The following TNFAIP8 variants were observed in gnomAD, a reference collection of about 807,000 sequenced individuals.
TNFAIP8 encodes the protein TNF alpha induced protein 8.
Under a neutral mutation model 13.3 loss-of-function variants are expected in TNFAIP8, and 7 were observed. The ratio of observed to expected loss-of-function variants is 0.52; its 90% CI spans 0.30 to 0.99. TNFAIP8 has a LOEUF of 0.99. Ranked by LOEUF, TNFAIP8 falls within the 50% of genes least tolerant of loss-of-function variation. The pLI, the probability that TNFAIP8 is intolerant of heterozygous loss-of-function variation, is 0.07. For missense variants in TNFAIP8, 258 were observed against 236.9 expected (o/e 1.09, Z -0.58); for synonymous variants, 94 against 87.6 (o/e 1.07, Z -0.41).
chr5:119,298,811 T>C (rs1749266004), intron 1 of TNFAIP8, among the ~76,000 whole-genome samples: 1 of 152,138 alleles, frequency 6.6e-6, no homozygotes, highest in Admixed American at 6.5e-5. Flanking sequence ...CGTTTCTTTT[T>C]ATTCTTTTTT....
At chr5:119,295,290 T>C (rs1749140851) in intron 1 of TNFAIP8, among the ~76,000 whole-genome samples, 1 of 148,674 alleles carries the variant, frequency 6.7e-6, no homozygotes, top group Non-Finnish European at 1.5e-5. Context: ...TTAATCCATC[T>C]TGAATTAATT....
At chr5:119,320,201 GGAAAAT>G (rs1750014019) in intron 1 of TNFAIP8, among the ~76,000 whole-genome samples, 2 of 152,058 alleles carry the variant, frequency 1.3e-5, no homozygotes. Flanking sequence ...TACATCTCCC[GGAAAAT>G]GAAAAATGAA....
At chr5:119,310,166 A>T (rs1223027246) in intron 1 of TNFAIP8, among the ~76,000 whole-genome samples, 1 of 152,160 alleles carries the variant, frequency 6.6e-6, no homozygotes, top group Non-Finnish European at 1.5e-5. Context: ...TATCTGTCAG[A>T]ACTCAGATGC....
chr5:119,314,465 G>A (rs66601917), intron 1 of TNFAIP8, among the ~76,000 whole-genome samples: 30,037 of 152,086 alleles, frequency 0.2, 5,380 homozygotes, highest in African/African-American at 0.48. Flanking sequence ...AGACATACAC[G>A]GTGCCCTGTG....
intron 1 of TNFAIP8, among the ~76,000 whole-genome samples, chr5:119,310,470 A>G (rs778267445): frequency 6.6e-6 from 1 of 152,212 alleles, no homozygotes; most frequent in Non-Finnish European, 1.5e-5. Flanking sequence ...AAGGAAGAAG[A>G]TCTCAGAAAA....
At chr5:119,286,397 G>A (rs1171128416) in intron 1 of TNFAIP8, among the ~76,000 whole-genome samples, 1 of 152,276 alleles carries the variant, frequency 6.6e-6, no homozygotes, top group Admixed American at 6.5e-5. Context: ...CGAGGTGGGT[G>A]GATCACGAGG....
chr5:119,285,589 A>G (rs1581569770), intron 1 of TNFAIP8, among the ~76,000 whole-genome samples: 1 of 152,192 alleles, frequency 6.6e-6, no homozygotes. Flanking sequence ...TCTCATTGCT[A>G]AGATAAGTGA....
intron 1 of TNFAIP8, among the ~76,000 whole-genome samples, chr5:119,297,867 T>C (rs2112644575): frequency 6.6e-6 from 1 of 152,358 alleles, no homozygotes; most frequent in South Asian, 2.1e-4. Context: ...GTAATGGCCT[T>C]CTTTGTCTCT....
At chr5:119,355,466 T>C, upstream of TNFAIP8, 1 of 663,142 alleles carries the variant, frequency 1.5e-6, no homozygotes, top group Admixed American at 2.2e-5. Flanking sequence ...TCTCTTAAGC[T>C]GGTCCTTGCA....
chr5:119,321,142 G>A (rs959424749), intron 1 of TNFAIP8, among the ~76,000 whole-genome samples: 3 of 152,108 alleles, frequency 2.0e-5, no homozygotes, highest in African/African-American at 4.8e-5. Flanking sequence ...GTGTGCACCC[G>A]GGAGGCGGAG....
chr5:119,332,255 G>T (rs1750404846), intron 1 of TNFAIP8, among the ~76,000 whole-genome samples: 1 of 152,104 alleles, frequency 6.6e-6, no homozygotes, highest in African/African-American at 2.4e-5. Flanking sequence ...AGAACTCTAT[G>T]TGCATCAGGC....
intron 1 of TNFAIP8, among the ~76,000 whole-genome samples, chr5:119,350,325 T>C (rs1050358890): frequency 1.3e-5 from 2 of 152,220 alleles, no homozygotes; most frequent in Non-Finnish European, 2.9e-5. Context: ...ATAAGCAATC[T>C]AGAGATAATT....
rs901989426 is a variant in TNFAIP8, at chr5:119,397,693, T to C, written c.*4312T>C. ...ATTGAAGCATTAACCAGAAAATGAG[T>C]CAGCTTTTTGTTTCCAAAATGATGC... On this transcript the variant is annotated 3_prime_UTR_variant, in exon 2 of 2. Transcript: ENST00000504771. The C allele has an allele frequency of 6.6e-6, 1 of 152,160 alleles. No homozygotes were observed. Among genetic ancestry groups the C allele is most frequent in the African/African-American group, 2.4e-5 (1 of 41,434 alleles). 9.4% of individuals were successfully genotyped at this position (152,160 alleles called of 1,614,324 possible). A position where few individuals can be genotyped will look rare whatever the true frequency, so the allele number is the denominator to read the frequency against.
In TNFAIP8 at chr5:119,311,227, A is replaced by T. The variant is rs544471766; in HGVS notation, c.1+42320A>T. On this transcript the variant is annotated intron_variant, in intron 1 of 1. Transcript: ENST00000274456. The stretch of plus-strand genomic sequence containing the variant: ...TTCATAGACATGGGGTCTTGCTATG[A>T]TGCCCAAGCTGGTCTTGAACCCTTG... Among the ~76,000 whole-genome samples, 49 of 152,158 alleles carry T rather than the reference A, an allele frequency of 3.2e-4. 1 individual carries two copies. The highest frequency in any genetic ancestry group is 1.2e-3 in the African/African-American group (48 of 41,536).
chr5:119,391,466 G>A (rs72788136), intron 1 of TNFAIP8: 42,411 of 701,206 alleles, frequency 0.06, 2,057 homozygotes, highest in African/African-American at 0.21. Context: ...CTTAGGAGAA[G>A]CGAGAGAAAT....
chr5:119,273,796 A>G (rs1221971090), intron 1 of TNFAIP8, among the ~76,000 whole-genome samples: 1 of 152,200 alleles, frequency 6.6e-6, no homozygotes. Context: ...CAGGGACCGC[A>G]TCTGCAGGAT....
At chr5:119,358,696 T>C (rs1751526948) in intron 1 of TNFAIP8, among the ~76,000 whole-genome samples, 1 of 152,222 alleles carries the variant, frequency 6.6e-6, no homozygotes, top group African/African-American at 2.4e-5. Context: ...AGCCGTGTAT[T>C]TGGCATTTAG....
At chr5:119,323,781 G>C (rs1017326821) in intron 1 of TNFAIP8, among the ~76,000 whole-genome samples, 12 of 152,296 alleles carry the variant, frequency 7.9e-5, no homozygotes, top group African/African-American at 2.9e-4. Flanking sequence ...GTGGGGAACA[G>C]GGGCATAAAT....
At chr5:119,300,038 A>G (rs55810506) in intron 1 of TNFAIP8, among the ~76,000 whole-genome samples, 8,471 of 152,152 alleles carry the variant, frequency 0.056, 511 homozygotes, top group African/African-American at 0.15. Context: ...TAGGAAGGGG[A>G]ACTCCCTGAC....
Sources: allele counts gnomAD v4.1 joint callset (sites outside exome capture counted in the v4.1 genomes callset), GRCh38; gene constraint gnomAD v4.1.1; transcripts MANE v1.5; gene names NCBI Gene and HGNC (gene_info 2026-07-23, HGNC 2026-07-21).